The following EXT1 variants were observed in gnomAD, a reference collection of about 807,000 sequenced individuals.
The protein encoded by EXT1 is exostosin glycosyltransferase 1, also known as exostosin-1.
EXT1 carries 20 observed loss-of-function variants against 82.5 expected under a neutral mutation model. The observed-to-expected ratio is 0.24, with a 90% confidence interval of 0.17 to 0.35. The LOEUF (loss-of-function observed/expected upper bound fraction) is 0.35. Among genes scored for constraint, EXT1 ranks in the 10% least tolerant of loss-of-function variants. EXT1 has a pLI of 1.00. For synonymous variants in EXT1, 348 were observed against 350.8 expected, an observed-to-expected ratio of 0.99 and a Z score of 0.09; for missense variants, 757 against 936.5, an observed-to-expected ratio of 0.81 and a Z score of 2.50.
At chr8:117,854,931 T>C (rs528460911) in intron 1 of EXT1, among the ~76,000 whole-genome samples, 1 of 152,228 alleles carries the variant, frequency 6.6e-6, no homozygotes, top group Non-Finnish European at 1.5e-5. Flanking sequence ...TAGGTATAAA[T>C]GAAATCTTTC....
chr8:117,912,790 C>A (rs767574331), intron 1 of EXT1, among the ~76,000 whole-genome samples: 48 of 152,162 alleles, frequency 3.2e-4, no homozygotes, highest in Non-Finnish European at 5.0e-4. Context: ...TTTCTTCCCA[C>A]AATTTATGAA....
At position 117,965,498 on chromosome 8, in the gene EXT1, G is replaced by A. The variant is rs565194769; in HGVS notation, c.963-128297C>T. ...ACCAAGAGTAATGTTGGCATTTTGGGGTCAGAAGTCTCTGATTAAATAGTT... is the reference window on the plus strand; with the variant it reads ...ACCAAGAGTAATGTTGGCATTTTGGAGTCAGAAGTCTCTGATTAAATAGTT... On this transcript the variant is annotated intron_variant, in intron 1 of 10. Transcript: ENST00000378204. Among the ~76,000 whole-genome samples the A allele has an allele frequency of 5.3e-5, 8 of 151,804 alleles. No homozygotes were observed. The South Asian group carries it at 1.7e-3, about 32-fold the overall frequency.
intron 1 of EXT1, among the ~76,000 whole-genome samples, chr8:117,976,416 C>A (rs1815066196): frequency 6.6e-6 from 1 of 152,214 alleles, no homozygotes; most frequent in Admixed American, 6.5e-5. Context: ...CTGGCATATT[C>A]ATAAAACGAA....
At chr8:117,941,400 G>A (rs947042432) in intron 1 of EXT1, among the ~76,000 whole-genome samples, 4 of 152,212 alleles carry the variant, frequency 2.6e-5, no homozygotes, top group Non-Finnish European at 5.9e-5. Context: ...CATATGGAGG[G>A]GGGAATAGGC....
At chr8:118,008,777 C>T (rs1365875435) in intron 1 of EXT1, among the ~76,000 whole-genome samples, 1 of 152,058 alleles carries the variant, frequency 6.6e-6, no homozygotes, top group Non-Finnish European at 1.5e-5. Flanking sequence ...CCTTTGGTTA[C>T]ATTTTACTTT....
At chr8:118,048,965 C>T (rs1010733046) in intron 1 of EXT1, among the ~76,000 whole-genome samples, 3 of 152,158 alleles carry the variant, frequency 2.0e-5, no homozygotes, top group Non-Finnish European at 4.4e-5. Context: ...TCCAGACTAT[C>T]GTCATAAGCC....
chr8:118,096,353 T>C (rs992481090), intron 1 of EXT1, among the ~76,000 whole-genome samples: 1 of 152,118 alleles, frequency 6.6e-6, no homozygotes, highest in African/African-American at 2.4e-5. Context: ...CCAGGTGCAC[T>C]GGTTCACGCC....
At chr8:118,019,372 T>G (rs1451178483) in intron 1 of EXT1, among the ~76,000 whole-genome samples, 9 of 152,174 alleles carry the variant, frequency 5.9e-5, no homozygotes, top group Non-Finnish European at 8.8e-5. Context: ...TCTGTGCTGT[T>G]GTACTCAAAA....
intron 1 of EXT1, among the ~76,000 whole-genome samples, chr8:117,892,637 G>A (rs1355584020): frequency 1.3e-5 from 2 of 152,238 alleles, no homozygotes; most frequent in Admixed American, 1.3e-4. Flanking sequence ...GGTGGCTGCT[G>A]TGTGGAGAAG....
At chr8:117,818,601 T>C in intron 6 of EXT1, 71 bp from the exon 7 acceptor site, 1 of 1,177,986 alleles carries the variant, frequency 8.5e-7, no homozygotes, top group Non-Finnish European at 1.3e-6. Context: ...CCAAAGCCTC[T>C]TCTCAGAGAC....
chr8:118,111,066 A>T lies in EXT1; in HGVS notation c.-20T>A. ...CTGCATGTGTCCTGCCTGGGTCAAG[A>T]GGATTGTAAATAAACACAAGAATCA... is the stretch of plus-strand genomic sequence containing the variant. On this transcript the variant is annotated 5_prime_UTR_variant, in exon 1 of 11. Transcript: ENST00000378204. The T allele has an allele frequency of 6.4e-7, 1 of 1,574,372 alleles. No individual in the cohort carries two copies.
chr8:117,818,582 G>T, intron 6 of EXT1, 52 bp from the exon 7 acceptor site: 1 of 1,315,170 alleles, frequency 7.6e-7, no homozygotes, highest in Non-Finnish European at 1.1e-6. Flanking sequence ...ATTTATGTAT[G>T]CCTCCAACCC....
At chr8:118,009,848 G>A (rs1317583526) in intron 1 of EXT1, among the ~76,000 whole-genome samples, 3 of 152,116 alleles carry the variant, frequency 2.0e-5, no homozygotes, top group African/African-American at 4.8e-5. Context: ...TGTCTTCCAC[G>A]AAACCGGTTC....
chr8:117,895,668 G>A (rs774397991), intron 1 of EXT1, among the ~76,000 whole-genome samples: 1 of 152,174 alleles, frequency 6.6e-6, no homozygotes, highest in Non-Finnish European at 1.5e-5. Context: ...AATAGGGACT[G>A]GCATTTCAAA....
At chr8:118,027,965 C>T (rs1816233521) in intron 1 of EXT1, among the ~76,000 whole-genome samples, 1 of 152,102 alleles carries the variant, frequency 6.6e-6, no homozygotes, top group Non-Finnish European at 1.5e-5. Flanking sequence ...CCTTACTTTC[C>T]CATTAATAGA....
chr8:117,801,065 T>C (rs1823160168), intron 10 of EXT1, among the ~76,000 whole-genome samples: 1 of 152,260 alleles, frequency 6.6e-6, no homozygotes, highest in South Asian at 2.1e-4. Context: ...AAAAATACTT[T>C]CATGGGAAGA....
chr8:118,087,374 C>T (rs1466461637), intron 1 of EXT1, among the ~76,000 whole-genome samples: 2 of 152,096 alleles, frequency 1.3e-5, no homozygotes, highest in East Asian at 3.9e-4. Flanking sequence ...ATTGGAGGTA[C>T]AGTTTTCAAA....
intron 1 of EXT1, among the ~76,000 whole-genome samples, chr8:117,989,891 T>G (rs1030106268): frequency 1.3e-5 from 2 of 152,148 alleles, no homozygotes; most frequent in African/African-American, 4.8e-5. Flanking sequence ...AAAAAGCAAA[T>G]GATCCCTTAG....
intron 1 of EXT1, among the ~76,000 whole-genome samples, chr8:118,091,889 T>G (rs767534121): frequency 6.6e-6 from 1 of 152,192 alleles, no homozygotes; most frequent in Non-Finnish European, 1.5e-5. Context: ...TCCAAAAGTT[T>G]TTCTGCACTA....
Sources: allele counts gnomAD v4.1 joint callset (sites outside exome capture counted in the v4.1 genomes callset), GRCh38; gene constraint gnomAD v4.1.1; transcripts MANE v1.5; gene names NCBI Gene and HGNC (gene_info 2026-07-23, HGNC 2026-07-21).